The following WDR88 variants were observed in gnomAD, a reference collection of about 807,000 sequenced individuals.
WDR88 encodes the protein WD repeat domain 88, also known as WD repeat-containing protein 88.
WDR88 carries 40 observed loss-of-function variants against 46.8 expected under a neutral mutation model. The ratio of observed to expected loss-of-function variants is 0.86; its 90% CI spans 0.66 to 1.11. The LOEUF is 1.11. WDR88 is among the 50% of genes most tolerant of loss of function. The probability of loss-of-function intolerance (pLI) is 0.00; values close to 1 mark genes in which losing one functional copy is unlikely to be tolerated. For missense variants in WDR88, 562 were observed against 602.4 expected (o/e 0.93, Z 0.70); for synonymous variants, 235 against 240.7 (o/e 0.98, Z 0.22).
At chr19:33,165,392 AT>A (rs1973937183) in intron 9 of WDR88, among the ~76,000 whole-genome samples, 1 of 152,166 alleles carries the variant, frequency 6.6e-6, no homozygotes, top group African/African-American at 2.4e-5. Flanking sequence ...ATAATACAAT[AT>A]ATAGCAAAAG....
intron 5 of WDR88, among the ~76,000 whole-genome samples, chr19:33,150,936 C>T (rs1254151781): frequency 2.0e-5 from 3 of 152,214 alleles, no homozygotes; most frequent in African/African-American, 4.8e-5. Flanking sequence ...TGTGGCAGGT[C>T]GTTGCCTGGT....
intron 1 of WDR88, among the ~76,000 whole-genome samples, chr19:33,133,198 T>TAAATAAATATAGAGAGAG (rs1555723214): frequency 1.3e-5 from 1 of 79,722 alleles, no homozygotes; most frequent in African/African-American, 3.3e-5. Flanking sequence ...TAAATAAATA[T>TAAATAAATATAGAGAGAG]AGAGAGAGAG....
At chr19:33,161,565 GC>G (rs1352629399) in intron 8 of WDR88, among the ~76,000 whole-genome samples, 4 of 152,176 alleles carry the variant, frequency 2.6e-5, no homozygotes, top group Admixed American at 2.6e-4. Context: ...GGTCCCTGGG[GC>G]TGGTCTATCT....
rs371485691 is a variant in WDR88 at position 33,166,573 on chromosome 19, G to C, written c.1149+2308G>C. On this transcript the variant is annotated intron_variant, in intron 9 of 10. Transcript: ENST00000355868. Reference sequence around the variant, plus strand: ...GATCATGCCATTATACTCCAGCCTGGGCGACAGAGTGAGACCCTGTCTCTT... The same window carrying C: ...GATCATGCCATTATACTCCAGCCTGCGCGACAGAGTGAGACCCTGTCTCTT... Among the ~76,000 whole-genome samples the C allele has an allele frequency of 1.3e-3, 201 of 152,066 alleles. 1 individual carries two copies. Among genetic ancestry groups the C allele is most frequent in the African/African-American group, 4.6e-3 (190 of 41,468 alleles).
At chr19:33,158,677 T>G (rs1289023034) in intron 7 of WDR88, among the ~76,000 whole-genome samples, 1 of 151,054 alleles carries the variant, frequency 6.6e-6, no homozygotes, top group Admixed American at 6.6e-5. Flanking sequence ...ATGTCCTTTT[T>G]GTGGTCTATT....
intron 2 of WDR88, among the ~76,000 whole-genome samples, chr19:33,138,928 T>G (rs973549446): frequency 6.6e-6 from 1 of 152,056 alleles, no homozygotes; most frequent in Non-Finnish European, 1.5e-5. Context: ...GTGATCTACC[T>G]GCTTCGGCCT....
chr19:33,154,583 A>G (rs987046952), intron 6 of WDR88, among the ~76,000 whole-genome samples: 3 of 152,114 alleles, frequency 2.0e-5, no homozygotes, highest in African/African-American at 7.2e-5. Context: ...TATGTACCAC[A>G]TTTTCTTTAT....
Position 33,169,666 on chromosome 19 carries a change from C to CA in WDR88, c.1150-2659dup, listed in dbSNP as rs33941385. ...ATGGTGACAGAGTGAGACCCAGTCTCAAAAAAAAAAAAAAAAAAAAAAAGA... is the reference window on the plus strand; with the variant it reads ...ATGGTGACAGAGTGAGACCCAGTCTCAAAAAAAAAAAAAAAAAAAAAAAAGA... On this transcript the variant is annotated intron_variant, in intron 9 of 10. Coordinates refer to ENST00000355868, the MANE Select transcript of WDR88 (RefSeq NM_173479.4). Among the ~76,000 whole-genome samples the CA allele has an allele frequency of 3.7e-3, 301 of 81,290 alleles. 3 individuals are homozygous for CA. Among genetic ancestry groups the CA allele is most frequent in the African/African-American group, 5.9e-3 (136 of 23,220 alleles). The allele number at this position is 81,290 out of a possible 152,430, so 53.3% of individuals were successfully genotyped here.
intron 2 of WDR88, among the ~76,000 whole-genome samples, chr19:33,138,304 G>A (rs554465589): frequency 2.6e-5 from 4 of 151,550 alleles, no homozygotes; most frequent in South Asian, 4.2e-4. Flanking sequence ...CACCCACCTC[G>A]GCCTCCCGAA....
chr19:33,144,814 CTCTT>C, intron 2 of WDR88, 26 bp from the exon 3 acceptor site: 1 of 1,604,052 alleles, frequency 6.2e-7, no homozygotes, highest in Non-Finnish European at 8.5e-7. Flanking sequence ...AGTGACCACT[CTCTT>C]CTCCTCTCTC....
rs1555723550 is a variant in WDR88, at chr19:33,135,062, G to GGC, written c.277-2614_277-2613insCG. 8.6e-4 allele frequency among the ~76,000 whole-genome samples: 130 copies of GGC among 151,586 alleles called. 1 individual carries two copies. The highest frequency in any genetic ancestry group is 3.1e-3 in the African/African-American group (129 of 41,234). On this transcript the variant is annotated intron_variant, in intron 1 of 10. Transcript: ENST00000355868. ...GCGAGCTGGGGTGGGTGGGTGGGGGGGGTGACATCTTCAGGCTTCCCTGCT... is the reference window on the plus strand; with the variant it reads ...GCGAGCTGGGGTGGGTGGGTGGGGGGGCGGTGACATCTTCAGGCTTCCCTGCT...
intron 1 of WDR88, among the ~76,000 whole-genome samples, chr19:33,136,056 A>AT (rs34431041): frequency 0.022 from 2,974 of 136,078 alleles, 88 homozygotes; most frequent in African/African-American, 0.073. Flanking sequence ...CACTCGGCTA[A>AT]TTTTTTTTTT....
intron 1 of WDR88, among the ~76,000 whole-genome samples, chr19:33,134,623 C>T (rs1486281299): frequency 1.3e-5 from 2 of 151,984 alleles, no homozygotes. Context: ...GGTCATGTCC[C>T]GGGGACTGGG....
At chr19:33,157,671 GTGTGTGTGTATGTA>G (rs1973775302) in intron 7 of WDR88, among the ~76,000 whole-genome samples, 1 of 10,654 alleles carries the variant, frequency 9.4e-5, no homozygotes, top group African/African-American at 1.3e-4. Flanking sequence ...GTATGTATGT[GTGTGTGTGTATGTA>G]TGTATATATA....
intron 1 of WDR88, 84 bp downstream of exon 1, chr19:33,132,529 A>G: frequency 6.5e-7 from 1 of 1,550,198 alleles, no homozygotes; most frequent in Admixed American, 1.9e-5. Flanking sequence ...GGACCCATGG[A>G]AAACCCACCT....
Position 33,156,428 on chromosome 19 carries a change from A to G in WDR88, c.883A>G (p.Lys295Glu). The G allele has an allele frequency of 1.2e-6, 2 of 1,614,226 alleles. No homozygotes were observed. Among genetic ancestry groups the G allele is most frequent in the Non-Finnish European group, 1.7e-6 (2 of 1,180,046 alleles). Residue 295 changes from lysine (K) to glutamate (E), a missense_variant, in exon 7 of 11, where the codon AAA (lysine) becomes GAA (glutamate). Transcript: ENST00000355868. The stretch of plus-strand genomic sequence containing the variant: ...TTTCCTGTGTACAAGCTCCTGGGAT[A>G]AAAACTTAAAAATATGGAACGTCCA... ...GHFLCTSSWD[K>E]NLKIWNVHTG...
chr19:33,152,971 G>A (rs1973664302), intron 6 of WDR88, among the ~76,000 whole-genome samples: 1 of 152,128 alleles, frequency 6.6e-6, no homozygotes, highest in African/African-American at 2.4e-5. Context: ...CTCTTAGGCT[G>A]TTTCTACCTT....
chr19:33,175,287 G>A, intron 10 of WDR88, 109 bp from the exon 11 acceptor site: 4 of 1,169,244 alleles, frequency 3.4e-6, no homozygotes, highest in Non-Finnish European at 4.9e-6. Context: ...CCAGAGAGGG[G>A]AACCCTTGCC....
chr19:33,152,100 C>G (rs1973646313), intron 6 of WDR88, among the ~76,000 whole-genome samples: 1 of 151,642 alleles, frequency 6.6e-6, no homozygotes, highest in East Asian at 1.9e-4. Context: ...GGCGTGGTGG[C>G]GGGCACCTGT....
Sources: gnomAD v4.1 joint callset for allele counts (sites outside exome capture counted in the v4.1 genomes callset) on GRCh38, gnomAD v4.1.1 for gene constraint, MANE v1.5 for transcripts, NCBI Gene and HGNC (gene_info 2026-07-23, HGNC 2026-07-21) for gene names.